TTC12: variants seen among roughly 807,000 people sequenced by gnomAD.
TTC12 encodes the protein tetratricopeptide repeat domain 12.
Under a neutral mutation model 90.1 loss-of-function variants are expected in TTC12, and 70 were observed. The ratio of observed to expected loss-of-function variants is 0.78; its 90% confidence interval spans 0.64 to 0.95. The LOEUF is 0.95. TTC12 is among the 40% of genes least tolerant of loss of function. TTC12 has a pLI of 0.00. For missense variants in TTC12, 819 were observed against 846.1 expected (o/e 0.97, Z 0.40); for synonymous variants, 296 against 311.5 (o/e 0.95, Z 0.53).
intron 13 of TTC12, among the ~76,000 whole-genome samples, chr11:113,346,109 C>G (rs1948938161): frequency 6.6e-6 from 1 of 152,168 alleles, no homozygotes; most frequent in Non-Finnish European, 1.5e-5. Context: ...GTATCACATT[C>G]CTCCCACAAT....
chr11:113,336,655 A>G (rs1948385640), intron 8 of TTC12, among the ~76,000 whole-genome samples: 1 of 152,188 alleles, frequency 6.6e-6, no homozygotes, highest in Non-Finnish European at 1.5e-5. Context: ...TCAAAAATCA[A>G]TTGACCATAA....
At chr11:113,334,444 C>T (rs1009631141) in intron 7 of TTC12, among the ~76,000 whole-genome samples, 3 of 131,916 alleles carry the variant, frequency 2.3e-5, no homozygotes, top group Admixed American at 2.2e-4. Context: ...GGAGGAGGGA[C>T]TTCCCAGGTC....
intron 18 of TTC12, 83 bp from the exon 19 acceptor site, chr11:113,362,318 C>T: frequency 5.1e-6 from 5 of 976,006 alleles, no homozygotes; most frequent in Admixed American, 2.0e-5. Context: ...TTGCTTTTGC[C>T]TCACCAAACT....
At chr11:113,336,889 C>G (rs1948399474) in intron 8 of TTC12, among the ~76,000 whole-genome samples, 1 of 152,094 alleles carries the variant, frequency 6.6e-6, no homozygotes, top group Non-Finnish European at 1.5e-5. Context: ...GCAAAGAAAC[C>G]AGGTGGAATT....
At chr11:113,329,606 G>C (rs753057178) in intron 6 of TTC12, 3 of 498,340 alleles carry the variant, frequency 6.0e-6, no homozygotes, top group Non-Finnish European at 1.2e-5. Context: ...CCCACATTTT[G>C]TTCATTGCTC....
intron 5 of TTC12, 141 bp from the exon 6 acceptor site, chr11:113,325,382 CA>C: frequency 2.2e-6 from 2 of 889,548 alleles, no homozygotes; most frequent in Non-Finnish European, 3.4e-6. Context: ...GAAGTATCTG[CA>C]GAAAAAAACA....
chr11:113,334,880 T>G (rs902016365), intron 7 of TTC12, 86 bp from the exon 8 acceptor site: 1 of 1,115,100 alleles, frequency 9.0e-7, no homozygotes, highest in South Asian at 1.5e-5. Flanking sequence ...AAGTTTCGCC[T>G]TAACTCTTTT....
At chr11:113,369,769 A>G (rs1591238046), downstream of TTC12, among the ~76,000 whole-genome samples, 1 of 152,172 alleles carries the variant, frequency 6.6e-6, no homozygotes, top group African/African-American at 2.4e-5. Flanking sequence ...TGGTTTGGAT[A>G]TAATATACAT....
chr11:113,323,227 C>A (rs1947458595), intron 2 of TTC12, 61 bp from the exon 3 acceptor site: 2 of 1,305,786 alleles, frequency 1.5e-6, no homozygotes, highest in Middle Eastern at 2.0e-4. Context: ...ACCATCCTTT[C>A]TAGTGAATAG....
At chr11:113,323,052 ACT>A (rs1435628402) in intron 2 of TTC12, among the ~76,000 whole-genome samples, 2 of 141,540 alleles carry the variant, frequency 1.4e-5, no homozygotes, top group African/African-American at 2.7e-5. Context: ...ATGGCTTAAA[ACT>A]CTGTTCCTTA....
At position 113,339,866 on chromosome 11, in the gene TTC12, C is replaced by T. The variant is rs782370396; in HGVS notation, c.826+392C>T. On this transcript the variant is annotated intron_variant, in intron 10 of 21. Transcript: ENST00000529221. ...CTCATGTCAGTCCACATATCCTGCGCACACTCCACCCTCACATTTTCACCA... is the reference window on the plus strand; with the variant it reads ...CTCATGTCAGTCCACATATCCTGCGTACACTCCACCCTCACATTTTCACCA... Among the ~76,000 whole-genome samples, 16 of 152,166 alleles carry T rather than the reference C, an allele frequency of 1.1e-4. 1 individual carries two copies. The highest frequency in any genetic ancestry group is 2.4e-4 in the Non-Finnish European group (16 of 67,966).
At chr11:113,319,678 GAAA>G (rs142673385) in intron 2 of TTC12, among the ~76,000 whole-genome samples, 2 of 139,848 alleles carry the variant, frequency 1.4e-5, no homozygotes, top group South Asian at 2.2e-4. Context: ...AACTCTGCAG[GAAA>G]AAAAAAAAAA....
At chr11:113,359,543 G>A (rs782093323) in intron 17 of TTC12, 82 bp downstream of exon 17, 14 of 922,342 alleles carry the variant, frequency 1.5e-5, no homozygotes, top group Admixed American at 5.6e-5. Context: ...TCATGTTCAC[G>A]AAGAGACAGA....
At chr11:113,322,970 A>T (rs1227868674) in intron 2 of TTC12, among the ~76,000 whole-genome samples, 1 of 152,076 alleles carries the variant, frequency 6.6e-6, no homozygotes, top group Non-Finnish European at 1.5e-5. Context: ...TTTATTCATC[A>T]TTGTTATCTA....
intron 2 of TTC12, among the ~76,000 whole-genome samples, chr11:113,321,157 A>G (rs1947305463): frequency 1.3e-5 from 2 of 152,242 alleles, no homozygotes; most frequent in African/African-American, 2.4e-5. Context: ...CTCAATTCCA[A>G]TCAAATTCAG....
At chr11:113,316,989 T>A (rs1946980820) in intron 2 of TTC12, among the ~76,000 whole-genome samples, 1 of 152,220 alleles carries the variant, frequency 6.6e-6, no homozygotes, top group African/African-American at 2.4e-5. Context: ...AAATTGCTGC[T>A]TGTAGCAGAT....
intron 9 of TTC12, 110 bp from the exon 10 acceptor site, chr11:113,339,176 T>C (rs564875348): frequency 1.1e-6 from 1 of 872,324 alleles, no homozygotes; most frequent in South Asian, 1.8e-5. Context: ...TTTAATGCTT[T>C]ATGCTTCTCA....
intron 13 of TTC12, 133 bp from the exon 14 acceptor site, chr11:113,349,940 G>C (rs933565349): frequency 1.8e-5 from 13 of 719,974 alleles, no homozygotes; most frequent in African/African-American, 1.4e-4. Flanking sequence ...TCCTAGGAGG[G>C]CATGACAAGG....
intron 6 of TTC12, among the ~76,000 whole-genome samples, chr11:113,326,892 C>T (rs781783684): frequency 3.9e-5 from 6 of 152,060 alleles, no homozygotes; most frequent in Non-Finnish European, 7.4e-5. Flanking sequence ...AGTTACATAA[C>T]GTTAAAAGCA....
Sources: gnomAD v4.1 joint callset for allele counts (sites outside exome capture counted in the v4.1 genomes callset) on GRCh38, gnomAD v4.1.1 for gene constraint, MANE v1.5 for transcripts, NCBI Gene and HGNC (gene_info 2026-07-23, HGNC 2026-07-21) for gene names.